Variants in GRIK4 observed in about 807,000 individuals in gnomAD.
GRIK4 encodes the protein glutamate receptor ionotropic, kainate 4.
GRIK4 carries 40 observed loss-of-function variants against 104.9 expected under a neutral mutation model. The ratio of observed to expected loss-of-function variants is 0.38; its 90% CI spans 0.30 to 0.50. The LOEUF (loss-of-function observed/expected upper bound fraction) is 0.50. Ranked by LOEUF, GRIK4 falls within the 20% of genes least tolerant of loss-of-function variation. The pLI, the probability that GRIK4 is intolerant of heterozygous loss-of-function variation, is 0.93. For synonymous variants in GRIK4, 485 were observed against 524.9 expected, an observed-to-expected ratio of 0.92 and a Z score of 1.04; for missense variants, 1,047 against 1,308.1, an observed-to-expected ratio of 0.80 and a Z score of 3.08.
Position 120,806,183 on chromosome 11 carries a change from G to A in GRIK4, c.247+3326G>A, listed in dbSNP as rs12294471. Reference sequence around the variant, plus strand: ...TCATTCTCTCACCCCACATTTGAACGGGCTTCCTCCCAACTTATTACCAGC... The same window carrying A: ...TCATTCTCTCACCCCACATTTGAACAGGCTTCCTCCCAACTTATTACCAGC... On this transcript the variant is annotated intron_variant, in intron 4 of 20. Transcript: ENST00000527524. Among the ~76,000 whole-genome samples, 5 of 151,980 alleles carry A rather than the reference G, an allele frequency of 3.3e-5. No homozygotes were observed. In the East Asian group the frequency reaches 5.8e-4, roughly 18 times the overall value.
intron 1 of GRIK4, among the ~76,000 whole-genome samples, chr11:120,538,732 A>C (rs1948003391): frequency 6.6e-6 from 1 of 152,184 alleles, no homozygotes; most frequent in African/African-American, 2.4e-5. Flanking sequence ...GAGGAGGAAG[A>C]GGTCAGGAAA....
intron 4 of GRIK4, 84 bp downstream of exon 4, chr11:120,802,941 A>G (rs1952647994): frequency 1.7e-6 from 2 of 1,168,982 alleles, no homozygotes; most frequent in African/African-American, 3.0e-5. Flanking sequence ...ATCAGTCACC[A>G]GGCCTCTGAG....
chr11:120,556,466 T>C (rs990872269), intron 1 of GRIK4, among the ~76,000 whole-genome samples: 1 of 152,144 alleles, frequency 6.6e-6, no homozygotes, highest in African/African-American at 2.4e-5. Flanking sequence ...TCCACATGCA[T>C]CCGGGAGGCA....
intron 1 of GRIK4, among the ~76,000 whole-genome samples, chr11:120,568,785 G>A (rs765626953): frequency 7.9e-5 from 12 of 152,124 alleles, no homozygotes; most frequent in African/African-American, 2.9e-4. Flanking sequence ...CCCTCAGAGA[G>A]GTTTGCTCCC....
intron 11 of GRIK4, among the ~76,000 whole-genome samples, chr11:120,887,705 T>C (rs916474156): frequency 6.6e-6 from 1 of 152,230 alleles, no homozygotes; most frequent in Non-Finnish European, 1.5e-5. Flanking sequence ...GGGCATATGA[T>C]AGTGAACAAG....
At chr11:120,565,132 G>C (rs910915517) in intron 1 of GRIK4, among the ~76,000 whole-genome samples, 18 of 152,216 alleles carry the variant, frequency 1.2e-4, no homozygotes, top group African/African-American at 4.1e-4. Context: ...TGCGGAGCCC[G>C]CGTCATCCTG....
intron 3 of GRIK4, among the ~76,000 whole-genome samples, chr11:120,753,669 G>T (rs1001928502): frequency 1.3e-5 from 2 of 152,130 alleles, no homozygotes; most frequent in African/African-American, 4.8e-5. Context: ...AATCTTAGGT[G>T]CTGTGGGGGA....
At position 120,819,663 on chromosome 11, in the gene GRIK4, T is replaced by C. The variant is rs56326825; in HGVS notation, c.346-92T>C. The C allele has an allele frequency of 0.41, 504,108 of 1,218,304 alleles. 107,985 individuals are homozygous for C. The highest frequency in any genetic ancestry group is 0.66 in the African/African-American group (44,813 of 67,456). 75.5% of individuals were successfully genotyped at this position (1,218,304 alleles called of 1,614,324 possible). ...TGGCGAAGGTGTTACATAAAAGAAC[T>C]CACCCTCCACAACCTCAGCTCACTC... On this transcript the variant is annotated intron_variant, in intron 5 of 20. Transcript: ENST00000527524. This position sits in a 1 kb window ranked among gnomAD's most constrained non-coding sequence, Gnocchi z 4.3.
intron 11 of GRIK4, among the ~76,000 whole-genome samples, chr11:120,877,062 A>G (rs1405206993): frequency 1.3e-5 from 2 of 152,216 alleles, no homozygotes; most frequent in African/African-American, 2.4e-5. Flanking sequence ...ACGAGGCAGT[A>G]AAAGGAAAGA....
intron 3 of GRIK4, among the ~76,000 whole-genome samples, chr11:120,682,421 G>T (rs1950208749): frequency 6.6e-6 from 1 of 152,108 alleles, no homozygotes; most frequent in South Asian, 2.1e-4. Context: ...CTGTAGCATG[G>T]TCTGGTCTTG....
intron 11 of GRIK4, among the ~76,000 whole-genome samples, chr11:120,898,003 C>T (rs1942632717): frequency 6.6e-6 from 1 of 152,142 alleles, no homozygotes. Flanking sequence ...AATAACTTGC[C>T]TGAGTTCTCA....
chr11:120,598,178 A>G (rs1471100117), intron 1 of GRIK4, among the ~76,000 whole-genome samples: 1 of 152,170 alleles, frequency 6.6e-6, no homozygotes, highest in Non-Finnish European at 1.5e-5. Context: ...TTGACTGATT[A>G]AAAAAGAGAC....
chr11:120,833,374 A>G (rs1953489319), intron 7 of GRIK4, among the ~76,000 whole-genome samples: 2 of 152,020 alleles, frequency 1.3e-5, no homozygotes, highest in South Asian at 4.2e-4. Context: ...GCCTGGAGCC[A>G]TGATCAATGA....
rs375712636 is a variant in GRIK4 at position 120,901,102 on chromosome 11, T to C, written c.1272+2463T>C. ...TCCATACTCTGCTGGCAGGCTCCCTTCTTTGTCTGCCTGTCCCCCGACCCT... is the reference window on the plus strand; with the variant it reads ...TCCATACTCTGCTGGCAGGCTCCCTCCTTTGTCTGCCTGTCCCCCGACCCT... On this transcript the variant is annotated intron_variant, in intron 12 of 20. Transcript: ENST00000527524. Among the ~76,000 whole-genome samples, 4 of 152,302 alleles carry C rather than the reference T, an allele frequency of 2.6e-5. No homozygotes were observed. The East Asian group carries it at 5.8e-4, about 22-fold the overall frequency.
chr11:120,886,456 C>T (rs535296432), intron 11 of GRIK4, among the ~76,000 whole-genome samples: 116 of 152,272 alleles, frequency 7.6e-4, no homozygotes, highest in African/African-American at 2.6e-3. Flanking sequence ...GCTGAGTGAG[C>T]GTGCTGTTGT....
chr11:120,793,696 A>T (rs1020493657), intron 3 of GRIK4, among the ~76,000 whole-genome samples: 14 of 151,446 alleles, frequency 9.2e-5, no homozygotes, highest in Admixed American at 7.9e-4. Context: ...GTTTGAGGTG[A>T]AGGCAGTGGT....
chr11:120,686,045 G>C (rs147653295), intron 3 of GRIK4, among the ~76,000 whole-genome samples: 2 of 152,188 alleles, frequency 1.3e-5, no homozygotes, highest in African/African-American at 4.8e-5. Context: ...TTGAGTCTCA[G>C]TATACCTTTA....
intron 17 of GRIK4, among the ~76,000 whole-genome samples, 173 bp from the exon 18 acceptor site, chr11:120,962,283 T>G (rs1186050460): frequency 3.9e-5 from 6 of 152,156 alleles, no homozygotes; most frequent in Admixed American, 3.9e-4. Flanking sequence ...CATTACACAG[T>G]GACAGTGAAC....
chr11:120,851,518 CT>C (rs1953974529), intron 8 of GRIK4, among the ~76,000 whole-genome samples: 1 of 152,200 alleles, frequency 6.6e-6, no homozygotes, highest in East Asian at 1.9e-4. Context: ...CCACCTGCTA[CT>C]AAGTTTAAGC....
Sources: gnomAD v4.1 joint callset for allele counts (sites outside exome capture counted in the v4.1 genomes callset) on GRCh38, gnomAD v4.1.1 for gene constraint, Gnocchi (gnomAD v3.1) non-coding constraint, MANE v1.5 for transcripts, NCBI Gene and HGNC (gene_info 2026-07-23, HGNC 2026-07-21) for gene names.